Variants in C19orf47 observed in about 807,000 individuals in gnomAD.
C19orf47 encodes the protein uncharacterized protein C19orf47.
A neutral mutation model predicts 32.3 loss-of-function variants in C19orf47; 18 were observed. The ratio of observed to expected loss-of-function variants is 0.56; its 90% CI spans 0.39 to 0.83. The LOEUF is 0.83. Among genes scored for constraint, C19orf47 ranks in the 40% least tolerant of loss-of-function variants. C19orf47 has a pLI of 0.00. For synonymous variants in C19orf47, 202 were observed against 211.1 expected (o/e 0.96, Z 0.37); for missense variants, 484 against 531.6 (o/e 0.91, Z 0.88).
At chr19:40,303,931 A>C in the C19orf47 span, among the ~76,000 whole-genome samples, 1 of 151,982 alleles carries the variant, frequency 6.6e-6, no homozygotes, top group Non-Finnish European at 1.5e-5. Flanking sequence ...TCCAGCATCT[A>C]GAAATCATGT....
the C19orf47 span, among the ~76,000 whole-genome samples, chr19:40,295,108 G>A: frequency 1.3e-5 from 2 of 151,196 alleles, no homozygotes; most frequent in Non-Finnish European, 3.0e-5. Context: ...TGCAACCTCC[G>A]CCTCCTGGGT....
chr19:40,343,080 G>A (rs1358409837), intron 1 of C19orf47, among the ~76,000 whole-genome samples: 3 of 152,206 alleles, frequency 2.0e-5, no homozygotes, highest in Admixed American at 6.5e-5. Flanking sequence ...AACGCTATGC[G>A]ACTCCAGGAT....
intron 1 of C19orf47, 188 bp from the exon 2 acceptor site, chr19:40,342,078 G>GC: frequency 1.0e-6 from 1 of 984,798 alleles, no homozygotes. Context: ...CATCGCTTGT[G>GC]CCTGAGACAA....
chr19:40,326,662 G>A (rs192520970), intron 6 of C19orf47, among the ~76,000 whole-genome samples, 176 bp from the exon 7 acceptor site: 15 of 152,160 alleles, frequency 9.9e-5, no homozygotes, highest in African/African-American at 3.6e-4. Context: ...TCTGTTACAC[G>A]AGGTCACAGA....
the C19orf47 span, among the ~76,000 whole-genome samples, chr19:40,311,373 C>T: frequency 7.0e-6 from 1 of 143,706 alleles, no homozygotes; most frequent in Non-Finnish European, 1.5e-5. Flanking sequence ...GAGCAAAACT[C>T]GGTCTCAAAA....
chr19:40,341,666 G>A (rs1325916100), intron 2 of C19orf47, 173 bp downstream of exon 2: 10 of 868,008 alleles, frequency 1.2e-5, no homozygotes, highest in South Asian at 3.7e-5. Context: ...ATCCAGTGAT[G>A]AGGCGGGCAG....
chr19:40,334,295 A>G (rs367853863), intron 4 of C19orf47, among the ~76,000 whole-genome samples: 18 of 152,110 alleles, frequency 1.2e-4, no homozygotes, highest in African/African-American at 4.3e-4. Context: ...AGAAAAAATT[A>G]AAAAACTAGC....
At chr19:40,334,097 A>T (rs1299381838) in intron 4 of C19orf47, among the ~76,000 whole-genome samples, 168 bp from the exon 5 acceptor site, 2 of 152,388 alleles carry the variant, frequency 1.3e-5, no homozygotes, top group East Asian at 3.9e-4. Context: ...GGGACACTCT[A>T]TAAAATATCT....
chr19:40,336,074 A>G, intron 4 of C19orf47, 36 bp downstream of exon 4: 1 of 1,597,448 alleles, frequency 6.3e-7, no homozygotes, highest in South Asian at 1.1e-5. Flanking sequence ...CCTCCATGCC[A>G]AACCCAGAGA....
the C19orf47 span, among the ~76,000 whole-genome samples, chr19:40,296,836 C>T: frequency 6.6e-6 from 1 of 151,898 alleles, no homozygotes; most frequent in African/African-American, 2.4e-5. Context: ...ATTGCTTGAA[C>T]CCAGGAGGCA....
At chr19:40,305,057 A>G in the C19orf47 span, among the ~76,000 whole-genome samples, 1 of 152,108 alleles carries the variant, frequency 6.6e-6, no homozygotes, top group Non-Finnish European at 1.5e-5. Flanking sequence ...AATACAAAAA[A>G]TTAGGCCAGG....
the C19orf47 span, among the ~76,000 whole-genome samples, chr19:40,304,731 C>T: frequency 6.6e-6 from 1 of 152,036 alleles, no homozygotes; most frequent in Non-Finnish European, 1.5e-5. Flanking sequence ...TTTTTTTCTA[C>T]TGTTAATCTG....
chr19:40,345,772 G>A (rs59677037), intron 1 of C19orf47, among the ~76,000 whole-genome samples: 2 of 15,238 alleles, frequency 1.3e-4, no homozygotes, highest in Non-Finnish European at 3.0e-4. Context: ...AACCCGGGGC[G>A]GGGGGGGGAG....
At position 40,348,396 on chromosome 19, in the gene C19orf47, TC is replaced by T. The variant is rs2078377708; in HGVS notation, c.-107del. Reference sequence around the variant, plus strand: ...GGCGGCGCCAACTGTCAGACACTCCTCCCCCGGCCCGGGCTGCCCGCCCCGG... The same window carrying T: ...GGCGGCGCCAACTGTCAGACACTCCTCCCCGGCCCGGGCTGCCCGCCCCGG... On this transcript the variant is annotated 5_prime_UTR_variant, in exon 1 of 9. Coordinates refer to ENST00000683109, the MANE Select transcript of C19orf47 (RefSeq NM_001256441.2). 1 of 1,365,022 alleles carries T rather than the reference TC, an allele frequency of 7.3e-7. No individual in the cohort carries two copies. Among genetic ancestry groups the T allele is most frequent in the South Asian group, 1.3e-5 (1 of 75,386 alleles). The allele number at this position is 1,365,022 out of a possible 1,614,324, so 84.6% of individuals were successfully genotyped here.
intron 2 of C19orf47, among the ~76,000 whole-genome samples, chr19:40,340,839 C>T (rs1001520427): frequency 2.0e-5 from 3 of 151,128 alleles, no homozygotes; most frequent in Non-Finnish European, 2.9e-5. Flanking sequence ...ATTAGCCGGG[C>T]GTGATGGTGT....
Position 40,321,691 on chromosome 19 carries a change from C to T in C19orf47, c.*191G>A, listed in dbSNP as rs140657147. ...AAGGGGAGTCCTGGAGCAGGCCAGG[C>T]CAGCTGCGACGACCATCCCAGGCTA... On this transcript the variant is annotated 3_prime_UTR_variant, in exon 9 of 9. Transcript: ENST00000683109. 206 of 1,417,042 alleles carry T rather than the reference C, an allele frequency of 1.5e-4. No homozygotes were observed. The highest frequency in any genetic ancestry group is 1.8e-4 in the Non-Finnish European group (199 of 1,091,572). The allele number at this position is 1,417,042 out of a possible 1,614,324, so 87.8% of individuals were successfully genotyped here.
the C19orf47 span, among the ~76,000 whole-genome samples, chr19:40,310,025 C>T: frequency 1.3e-5 from 2 of 152,058 alleles, no homozygotes. Context: ...GGTATATACC[C>T]AAGAGAATTG....
the C19orf47 span, among the ~76,000 whole-genome samples, chr19:40,307,343 C>T: frequency 2.0e-5 from 3 of 152,148 alleles, no homozygotes; most frequent in African/African-American, 7.2e-5. Context: ...GATCCACCCA[C>T]CTCTGCCTCC....
chr19:40,329,242 G>C (rs544301366), intron 5 of C19orf47, among the ~76,000 whole-genome samples: 1 of 152,056 alleles, frequency 6.6e-6, no homozygotes, highest in African/African-American at 2.4e-5. Flanking sequence ...GCACAAGGGC[G>C]CATGCCTGTA....
Sources: allele counts gnomAD v4.1 joint callset (sites outside exome capture counted in the v4.1 genomes callset), GRCh38; gene constraint gnomAD v4.1.1; transcripts MANE v1.5; gene names NCBI Gene and HGNC (gene_info 2026-07-23, HGNC 2026-07-21).